MAP7D2: variants seen among roughly 807,000 people sequenced by gnomAD.
MAP7D2 encodes the protein MAP7 domain-containing protein 2.
Under a neutral mutation model 63.5 loss-of-function variants are expected in MAP7D2, and 33 were observed. The ratio of observed to expected loss-of-function variants is 0.52; its 90% confidence interval spans 0.39 to 0.70. The LOEUF (loss-of-function observed/expected upper bound fraction) is 0.70, where lower values mean the gene tolerates loss of function less well. Ranked by LOEUF, MAP7D2 falls within the 30% of genes least tolerant of loss-of-function variation. MAP7D2 has a pLI of 0.00. For missense variants in MAP7D2, 626 were observed against 604.0 expected (o/e 1.04, Z -0.38); for synonymous variants, 224 against 223.7 (o/e 1.00, Z -0.01).
chrX:20,059,007 C>A (rs139673117), intron 3 of MAP7D2, among the ~76,000 whole-genome samples: 41 of 111,818 alleles, frequency 3.7e-4, no homozygotes, highest in Non-Finnish European at 6.6e-4. Context: ...CACTTTTTAT[C>A]CCTGTGACCT....
chrX:20,081,037 G>C (rs1237295107), intron 1 of MAP7D2, among the ~76,000 whole-genome samples: 1 of 111,821 alleles, frequency 8.9e-6, no homozygotes, highest in Admixed American at 9.5e-5. Flanking sequence ...TGAGCTTCTG[G>C]AAAGAGGGCC....
chrX:20,084,901 G>A (rs1603396628), intron 1 of MAP7D2, among the ~76,000 whole-genome samples: 1 of 111,371 alleles, frequency 9.0e-6, no homozygotes, highest in African/African-American at 3.3e-5. Context: ...CGCCTTATTA[G>A]TAGTGGTAAG....
chrX:20,079,136 A>G (rs2065716614), intron 1 of MAP7D2, among the ~76,000 whole-genome samples: 1 of 111,164 alleles, frequency 9.0e-6, no homozygotes. Flanking sequence ...ATAACCCGGC[A>G]ACTCCCAGGT....
At chrX:20,095,547 C>T (rs1440899008) in intron 1 of MAP7D2, among the ~76,000 whole-genome samples, 2 of 110,613 alleles carry the variant, frequency 1.8e-5, no homozygotes, top group African/African-American at 3.3e-5. Context: ...TGTCTCCCCA[C>T]TTCTCCCCTG....
At chrX:20,115,237 A>G (rs2066860777) in intron 1 of MAP7D2, among the ~76,000 whole-genome samples, 1 of 101,168 alleles carries the variant, frequency 9.9e-6, no homozygotes, top group African/African-American at 3.7e-5. Context: ...TTTTGTTTCC[A>G]TTAAAAAAAA....
intron 1 of MAP7D2, among the ~76,000 whole-genome samples, chrX:20,103,634 G>A (rs911408201): frequency 4.5e-5 from 5 of 112,101 alleles, no homozygotes; most frequent in Non-Finnish European, 9.4e-5. Context: ...CTAGTTAATT[G>A]TACAGTCCAA....
intron 1 of MAP7D2, among the ~76,000 whole-genome samples, chrX:20,109,909 G>A (rs774476976): frequency 5.2e-4 from 57 of 110,021 alleles, no homozygotes; most frequent in African/African-American, 1.8e-3. Context: ...GGTGGCAGAG[G>A]CCTGTAATCT....
chrX:20,047,276 A>C (rs985385900), intron 6 of MAP7D2, among the ~76,000 whole-genome samples: 3 of 112,492 alleles, frequency 2.7e-5, no homozygotes, highest in African/African-American at 9.7e-5. Flanking sequence ...CTGACCAATG[A>C]TACCCTGCTA....
At chrX:20,096,008 G>A (rs910078181) in intron 1 of MAP7D2, among the ~76,000 whole-genome samples, 4 of 104,147 alleles carry the variant, frequency 3.8e-5, no homozygotes, top group Non-Finnish European at 7.8e-5. Context: ...CTTGATACCG[G>A]GAGACGGAGG....
chrX:20,051,007 CA>C, intron 5 of MAP7D2, 61 bp from the exon 6 acceptor site: 1 of 991,584 alleles, frequency 1.0e-6, no homozygotes, highest in Non-Finnish European at 1.3e-6. Flanking sequence ...CAAAATAAAA[CA>C]TTTAAACAAC....
At chrX:20,022,848 T>C (rs150431506) in intron 10 of MAP7D2, among the ~76,000 whole-genome samples, 14 of 112,766 alleles carry the variant, frequency 1.2e-4, no homozygotes, top group Non-Finnish European at 2.2e-4. Context: ...TGCTATCCAA[T>C]AGAACCTTCT....
In MAP7D2 at chrX:20,094,824, G is replaced by A. The variant is rs1218039182; in HGVS notation, c.130+21926C>T. 3.3e-4 allele frequency among the ~76,000 whole-genome samples: 35 copies of A among 105,076 alleles called. 1 individual carries two copies. In the Admixed American group the frequency reaches 3.8e-3, roughly 11 times the overall value. 91.2% of individuals were successfully genotyped at this position (105,076 alleles called of 115,157 possible). On this transcript the variant is annotated intron_variant, in intron 1 of 16. Transcript: ENST00000379643. ...ACTCCTGACCTCAACTGATCTGCTT[G>A]CCTCGGCCTCGCAAAGTGCTAGGAT...
chrX:20,057,818 T>G (rs776509434), intron 3 of MAP7D2, among the ~76,000 whole-genome samples: 1 of 112,429 alleles, frequency 8.9e-6, no homozygotes, highest in African/African-American at 3.2e-5. Flanking sequence ...AAAATTAATT[T>G]AGGACATCAT....
At chrX:20,083,461 A>G (rs2065828307) in intron 1 of MAP7D2, among the ~76,000 whole-genome samples, 1 of 111,838 alleles carries the variant, frequency 8.9e-6, no homozygotes. Flanking sequence ...TTTCCTTTTC[A>G]TTTCAGGAAC....
At chrX:20,010,739 A>C in intron 16 of MAP7D2, 38 bp downstream of exon 16, 2 of 1,095,917 alleles carry the variant, frequency 1.8e-6, no homozygotes, top group Middle Eastern at 3.7e-4. Context: ...ACCCCAGTTA[A>C]AGGGTTATGA....
At chrX:20,097,754 G>A (rs749383729) in intron 1 of MAP7D2, among the ~76,000 whole-genome samples, 1 of 111,493 alleles carries the variant, frequency 9.0e-6, no homozygotes, top group Non-Finnish European at 1.9e-5. Flanking sequence ...CAGGTGGGAA[G>A]TGCTGTCCTG....
chrX:20,071,341 G>A (rs1015373034), intron 1 of MAP7D2, among the ~76,000 whole-genome samples: 9 of 112,629 alleles, frequency 8.0e-5, no homozygotes, highest in African/African-American at 2.3e-4. Context: ...AGTCTTAGGT[G>A]TGGTTTAGGC....
chrX:20,052,410 T>C, intron 5 of MAP7D2: 1 of 296,572 alleles, frequency 3.4e-6, no homozygotes, highest in Non-Finnish European at 6.4e-6. Context: ...TCTTTTCATC[T>C]ACAAAATGGG....
chrX:20,040,924 T>A lies in MAP7D2; in HGVS notation c.1007+1578A>T, dbSNP rs181445874. 4.9e-3 allele frequency among the ~76,000 whole-genome samples: 545 copies of A among 111,523 alleles called. 3 individuals carry two copies. Among genetic ancestry groups the A allele is most frequent in the Middle Eastern group, 0.019 (4 of 216 alleles). On this transcript the variant is annotated intron_variant, in intron 8 of 16. Transcript: ENST00000379643. ...ATGCAGGGTTGCCACAAACCTTCAATTTGTAAAACAAACAACAACAACAAC... is the reference window on the plus strand; with the variant it reads ...ATGCAGGGTTGCCACAAACCTTCAAATTGTAAAACAAACAACAACAACAAC...
Sources: allele counts gnomAD v4.1 joint callset (sites outside exome capture counted in the v4.1 genomes callset), GRCh38; gene constraint gnomAD v4.1.1; transcripts MANE v1.5; gene names NCBI Gene and HGNC (gene_info 2026-07-23, HGNC 2026-07-21).